The following CCSER1 variants were observed in gnomAD, a reference collection of about 807,000 sequenced individuals.
CCSER1 encodes the protein serine-rich coiled-coil domain-containing protein 1.
CCSER1 carries 41 observed loss-of-function variants against 82.0 expected under a neutral mutation model. That is an observed-to-expected ratio of 0.50 (90% CI 0.39 to 0.65). CCSER1 has a LOEUF of 0.65. CCSER1 is among the 30% of genes least tolerant of loss of function. The pLI, the probability that CCSER1 is intolerant of heterozygous loss-of-function variation, is 0.00. For missense variants in CCSER1, 1,119 were observed against 1,064.2 expected, an observed-to-expected ratio of 1.05 and a Z score of -0.72; for synonymous variants, 414 against 383.9, an observed-to-expected ratio of 1.08 and a Z score of -0.92.
intron 10 of CCSER1, among the ~76,000 whole-genome samples, chr4:91,225,728 C>A (rs1738147087): frequency 6.6e-6 from 1 of 151,798 alleles, no homozygotes; most frequent in Non-Finnish European, 1.5e-5. Context: ...CATGCACAAC[C>A]TTTATCCTCA....
At chr4:91,590,734 C>T (rs1358200244) in intron 10 of CCSER1, among the ~76,000 whole-genome samples, 2 of 151,752 alleles carry the variant, frequency 1.3e-5, no homozygotes, top group African/African-American at 2.4e-5. Context: ...TGTATTACTA[C>T]GTTGGATTGA....
intron 6 of CCSER1, among the ~76,000 whole-genome samples, chr4:90,665,807 A>G (rs1056189807): frequency 4.6e-5 from 7 of 152,262 alleles, no homozygotes; most frequent in African/African-American, 1.7e-4. Context: ...AATAGATCTG[A>G]AGTTTAGATG....
chr4:90,232,062 G>C (rs1487107052), intron 1 of CCSER1, among the ~76,000 whole-genome samples: 6 of 152,274 alleles, frequency 3.9e-5, no homozygotes, highest in Middle Eastern at 3.4e-3. Flanking sequence ...GTAATTTATA[G>C]ATTCAATGCC....
intron 10 of CCSER1, among the ~76,000 whole-genome samples, chr4:91,414,281 T>A (rs1307720627): frequency 1.3e-5 from 2 of 152,246 alleles, no homozygotes; most frequent in Admixed American, 1.3e-4. Context: ...GTGACATCAA[T>A]AACATTAAAT....
intron 4 of CCSER1, among the ~76,000 whole-genome samples, chr4:90,460,738 G>A (rs571467920): frequency 6.6e-6 from 1 of 152,148 alleles, no homozygotes; most frequent in African/African-American, 2.4e-5. Context: ...ATAATTTGAA[G>A]GTCTTTGCTT....
chr4:90,620,067 C>T (rs940613193), intron 5 of CCSER1, among the ~76,000 whole-genome samples: 8 of 151,746 alleles, frequency 5.3e-5, no homozygotes, highest in Non-Finnish European at 1.2e-4. Context: ...AAATTTTGGA[C>T]AAAGTTAAAA....
chr4:90,892,471 A>G (rs1723099770), intron 8 of CCSER1, among the ~76,000 whole-genome samples: 1 of 152,036 alleles, frequency 6.6e-6, no homozygotes, highest in Non-Finnish European at 1.5e-5. Flanking sequence ...TTTATTAGGT[A>G]TATATTATCA....
intron 10 of CCSER1, among the ~76,000 whole-genome samples, chr4:91,592,706 T>A (rs1578875806): frequency 6.6e-6 from 1 of 152,220 alleles, no homozygotes; most frequent in Non-Finnish European, 1.5e-5. Flanking sequence ...CAAATATTTT[T>A]AAATTCTGTT....
At chr4:91,171,861 G>GT (rs779045689) in intron 10 of CCSER1, among the ~76,000 whole-genome samples, 1 of 151,798 alleles carries the variant, frequency 6.6e-6, no homozygotes, top group South Asian at 2.1e-4. Flanking sequence ...AATAGGACAG[G>GT]TTTCATGCAT....
At chr4:90,504,340 A>C (rs574615945) in intron 5 of CCSER1, among the ~76,000 whole-genome samples, 15 of 152,224 alleles carry the variant, frequency 9.9e-5, no homozygotes, top group Non-Finnish European at 1.9e-4. Flanking sequence ...TGAAATGTAC[A>C]TACACATAAA....
intron 5 of CCSER1, among the ~76,000 whole-genome samples, chr4:90,525,147 A>G (rs924971065): frequency 1.3e-5 from 2 of 152,126 alleles, no homozygotes; most frequent in African/African-American, 4.8e-5. Context: ...CATCAGAGGC[A>G]AAAATCAATA....
chr4:91,392,591 A>G lies in CCSER1; in HGVS notation c.2218-205981A>G, dbSNP rs74320178. Among the ~76,000 whole-genome samples, 9 of 152,174 alleles carry G rather than the reference A, an allele frequency of 5.9e-5. No homozygotes were observed. In the East Asian group the frequency reaches 1.7e-3, roughly 29 times the overall value. On this transcript the variant is annotated intron_variant, in intron 10 of 10. Transcript: ENST00000509176. ...CAGTGATGTTTCTGATAATAATTGT[A>G]TACTGGTTTGGGGGTTTTTCTTTAG... is the stretch of plus-strand genomic sequence containing the variant.
chr4:90,401,507 G>A (rs4574373), intron 4 of CCSER1, among the ~76,000 whole-genome samples: 3,557 of 152,186 alleles, frequency 0.023, 124 homozygotes, highest in African/African-American at 0.08. Flanking sequence ...ATCTGCTATG[G>A]CATTATTGTA....
intron 10 of CCSER1, among the ~76,000 whole-genome samples, chr4:91,156,523 TTATTAGAATTA>T (rs1730835405): frequency 6.6e-6 from 1 of 151,398 alleles, no homozygotes; most frequent in South Asian, 2.1e-4. Flanking sequence ...AAGAATTAAA[TTATTAGAATTA>T]AATTATTAAA....
intron 5 of CCSER1, among the ~76,000 whole-genome samples, chr4:90,591,146 G>A (rs1365319336): frequency 1.3e-5 from 2 of 152,108 alleles, no homozygotes; most frequent in African/African-American, 2.4e-5. Flanking sequence ...GTACATTGCT[G>A]TTGTAGCCTG....
intron 10 of CCSER1, among the ~76,000 whole-genome samples, chr4:91,207,160 C>A (rs1736415254): frequency 6.6e-6 from 1 of 151,748 alleles, no homozygotes; most frequent in Admixed American, 6.6e-5. Context: ...GAAGGTGAGA[C>A]AGCATTGACT....
chr4:90,955,215 A>G (rs932416314), intron 9 of CCSER1, among the ~76,000 whole-genome samples: 3 of 152,174 alleles, frequency 2.0e-5, no homozygotes, highest in Admixed American at 6.5e-5. Flanking sequence ...GCTGGTCCCA[A>G]AAAGACACTC....
intron 10 of CCSER1, among the ~76,000 whole-genome samples, chr4:91,238,121 A>G (rs1205557267): frequency 6.6e-6 from 1 of 151,854 alleles, no homozygotes; most frequent in Non-Finnish European, 1.5e-5. Context: ...ACAGGATTTC[A>G]CTCCCTTGAT....
chr4:90,609,946 A>G (rs989651420), intron 5 of CCSER1, among the ~76,000 whole-genome samples: 4 of 152,156 alleles, frequency 2.6e-5, no homozygotes, highest in Non-Finnish European at 2.9e-5. Flanking sequence ...ATTTATTCAC[A>G]TAGAATATCA....
Sources: allele counts gnomAD v4.1 joint callset (sites outside exome capture counted in the v4.1 genomes callset), GRCh38; gene constraint gnomAD v4.1.1; transcripts MANE v1.5; gene names NCBI Gene and HGNC (gene_info 2026-07-23, HGNC 2026-07-21).